Variants in MICAL2 observed in about 807,000 individuals in gnomAD.
The protein encoded by MICAL2 is microtubule associated monooxygenase, calponin and LIM domain containing 2, also known as [F-actin]-monooxygenase MICAL2.
A neutral mutation model predicts 127.3 loss-of-function variants in MICAL2; 77 were observed. That is an observed-to-expected ratio of 0.60 (90% CI 0.50 to 0.73). The LOEUF (loss-of-function observed/expected upper bound fraction) is 0.73, where lower values mean the gene tolerates loss of function less well. Ranked by LOEUF, MICAL2 falls within the 30% of genes least tolerant of loss-of-function variation. MICAL2 has a pLI of 0.00. For synonymous variants in MICAL2, 570 were observed against 551.1 expected, an observed-to-expected ratio of 1.03 and a Z score of -0.48; for missense variants, 1,351 against 1,434.4, an observed-to-expected ratio of 0.94 and a Z score of 0.94.
chr11:12,237,710 T>C (rs937777954), intron 16 of MICAL2, among the ~76,000 whole-genome samples: 1 of 152,222 alleles, frequency 6.6e-6, no homozygotes, highest in African/African-American at 2.4e-5. Flanking sequence ...AGCAATATTC[T>C]TTCTAAATTC....
rs533659212 is a variant in MICAL2 at position 12,261,027 on chromosome 11, C to T, written c.3334+1130C>T. 12 of 985,548 alleles carry T rather than the reference C, an allele frequency of 1.2e-5. No homozygotes were observed. In the South Asian group the frequency reaches 2.8e-4, roughly 23 times the overall value. 61.1% of individuals were successfully genotyped at this position (985,548 alleles called of 1,614,324 possible). Reference sequence around the variant, plus strand: ...GCATTTTAGCCCCTGTGGCTCCCAGCGGATCCCCCAGCCCGGGCTGCAGGC... The same window carrying T: ...GCATTTTAGCCCCTGTGGCTCCCAGTGGATCCCCCAGCCCGGGCTGCAGGC... On this transcript the variant is annotated intron_variant, in intron 26 of 27. Coordinates refer to ENST00000683283, the MANE Select transcript of MICAL2 (RefSeq NM_001282663.2).
chr11:12,250,903 A>T (rs1861444801), intron 22 of MICAL2, among the ~76,000 whole-genome samples: 1 of 152,148 alleles, frequency 6.6e-6, no homozygotes, highest in East Asian at 1.9e-4. Flanking sequence ...GGTAGGAACC[A>T]CTGGACTGGC....
intron 32 of MICAL2, among the ~76,000 whole-genome samples, chr11:12,348,144 A>T (rs886603968): frequency 9.6e-6 from 1 of 103,890 alleles, no homozygotes; most frequent in Non-Finnish European, 1.8e-5. Context: ...ACAGAGAAAG[A>T]CTCTGTCTCA....
intron 2 of MICAL2, among the ~76,000 whole-genome samples, chr11:12,138,985 G>A (rs772450561): frequency 6.6e-6 from 1 of 152,208 alleles, no homozygotes; most frequent in Non-Finnish European, 1.5e-5. Flanking sequence ...CACAGGTGGT[G>A]GTAGGCTAAT....
intron 32 of MICAL2, among the ~76,000 whole-genome samples, chr11:12,346,193 A>G (rs1475784289): frequency 6.6e-6 from 1 of 152,152 alleles, no homozygotes; most frequent in Non-Finnish European, 1.5e-5. Flanking sequence ...GTGAGGGAGG[A>G]GCGGAGGGAA....
intron 2 of MICAL2, among the ~76,000 whole-genome samples, chr11:12,150,891 G>C (rs1853503353): frequency 6.6e-6 from 1 of 152,130 alleles, no homozygotes; most frequent in African/African-American, 2.4e-5. Context: ...GGTTTGGTTT[G>C]GGCTACCTAG....
intron 1 of MICAL2, among the ~76,000 whole-genome samples, chr11:12,115,132 T>C (rs1849901183): frequency 1.3e-5 from 2 of 152,240 alleles, no homozygotes; most frequent in East Asian, 3.8e-4. Flanking sequence ...CAAATCACTA[T>C]TCATCCACAA....
At chr11:12,221,806 G>A (rs745749071) in intron 10 of MICAL2, 47 bp downstream of exon 10, 6 of 1,507,608 alleles carry the variant, frequency 4.0e-6, no homozygotes, top group Non-Finnish European at 5.5e-6. Flanking sequence ...GGGCACTCAG[G>A]CAGGAAAGGG....
At chr11:12,295,762 T>C (rs1390621579), downstream of MICAL2, among the ~76,000 whole-genome samples, 1 of 152,150 alleles carries the variant, frequency 6.6e-6, no homozygotes. Context: ...CCATGTAGTA[T>C]ACATAAATGT....
chr11:12,275,449 T>G (rs1160250353), upstream of MICAL2, among the ~76,000 whole-genome samples: 2 of 152,006 alleles, frequency 1.3e-5, no homozygotes, highest in Non-Finnish European at 2.9e-5. Context: ...CCCGGGATCT[T>G]TCAGTGTTAC....
At chr11:12,117,993 G>A (rs116000733) in intron 1 of MICAL2, among the ~76,000 whole-genome samples, 522 of 152,296 alleles carry the variant, frequency 3.4e-3, no homozygotes, top group African/African-American at 0.012. Context: ...GGTCCATGTC[G>A]GGAGAGCTTC....
intron 32 of MICAL2, among the ~76,000 whole-genome samples, chr11:12,330,211 T>A (rs1339604149): frequency 6.6e-6 from 1 of 152,188 alleles, no homozygotes; most frequent in East Asian, 1.9e-4. Flanking sequence ...TATTCCTTGG[T>A]GGTTTAATAT....
intron 1 of MICAL2, among the ~76,000 whole-genome samples, chr11:12,124,585 C>A (rs73412266): frequency 0.025 from 3,756 of 152,308 alleles, 157 homozygotes; most frequent in African/African-American, 0.086. Context: ...GAACGTTTTC[C>A]GTGCTCTGGG....
chr11:12,327,261 A>T, exon 32 of MICAL2: 1 of 1,549,940 alleles, frequency 6.5e-7, no homozygotes. Flanking sequence ...TTGCGAGGAG[A>T]AGCAGGTACG....
chr11:12,265,327 A>G (rs1863578882), downstream of MICAL2, among the ~76,000 whole-genome samples: 1 of 152,216 alleles, frequency 6.6e-6, no homozygotes, highest in African/African-American at 2.4e-5. Context: ...GTTTTGGTAG[A>G]CTAGTGTTTA....
At chr11:12,205,360 C>T (rs1854545843) in intron 4 of MICAL2, among the ~76,000 whole-genome samples, 1 of 152,182 alleles carries the variant, frequency 6.6e-6, no homozygotes, top group Non-Finnish European at 1.5e-5. Context: ...CAAGGGTCCA[C>T]TTATACATGG....
At chr11:12,352,560 T>C (rs1033206784) in intron 33 of MICAL2, among the ~76,000 whole-genome samples, 2 of 152,206 alleles carry the variant, frequency 1.3e-5, no homozygotes, top group Non-Finnish European at 2.9e-5. Context: ...ACATGTGAAC[T>C]AGACAAAGGC....
rs187398899 is a variant in MICAL2, at chr11:12,135,956, T to G, written c.-148-2434T>G. ...TTAGTGCATTGAAACTCTGAGTTTA[T>G]TCATTTCTTCATTCAACAAATATTT... is the stretch of plus-strand genomic sequence containing the variant. On this transcript the variant is annotated intron_variant, in intron 1 of 27. Coordinates refer to ENST00000683283, the MANE Select transcript of MICAL2 (RefSeq NM_001282663.2). 2.6e-5 allele frequency among the ~76,000 whole-genome samples: 4 copies of G among 152,308 alleles called. No individual in the cohort carries two copies. The East Asian group carries it at 5.8e-4, about 22-fold the overall frequency.
intron 3 of MICAL2, among the ~76,000 whole-genome samples, chr11:12,195,585 T>C (rs1187064530): frequency 3.6e-5 from 2 of 55,644 alleles, no homozygotes; most frequent in Non-Finnish European, 2.0e-4. Flanking sequence ...AAAATTACAA[T>C]GGGAAAATAT....
Sources: allele counts gnomAD v4.1 joint callset (sites outside exome capture counted in the v4.1 genomes callset), GRCh38; gene constraint gnomAD v4.1.1; transcripts MANE v1.5; gene names NCBI Gene and HGNC (gene_info 2026-07-23, HGNC 2026-07-21).